The following RFTN1 variants were observed in gnomAD, a reference collection of about 807,000 sequenced individuals.
The protein encoded by RFTN1 is raftlin.
In RFTN1, 26 loss-of-function variants were observed where a neutral mutation model predicts 46.5. That is an observed-to-expected ratio of 0.56 (90% CI 0.41 to 0.78). The LOEUF is 0.78. RFTN1 is among the 30% of genes least tolerant of loss of function. The probability of loss-of-function intolerance (pLI) is 0.00; values close to 1 mark genes in which losing one functional copy is unlikely to be tolerated. For synonymous variants in RFTN1, 261 were observed against 284.2 expected (o/e 0.92, Z 0.82); for missense variants, 693 against 718.7 (o/e 0.96, Z 0.41).
Position 16,509,998 on chromosome 3 carries a change from T to G in RFTN1, c.-9+3444A>C, listed in dbSNP as rs1690901094. On this transcript the variant is annotated intron_variant, in intron 1 of 9. Transcript: ENST00000334133. The surrounding 1 kb of genome is among the most constrained non-coding windows in gnomAD (Gnocchi z 4.9). The stretch of plus-strand genomic sequence containing the variant: ...CTCAGACAGAAAAGTTCACTTCCCG[T>G]TTCCTAGATCAGCCAAGGCAAGCTT... Among the ~76,000 whole-genome samples the G allele has an allele frequency of 6.6e-6, 1 of 152,170 alleles. No individual in the cohort carries two copies. Among genetic ancestry groups the G allele is most frequent in the Middle Eastern group, 3.4e-3 (1 of 294 alleles).
intron 2 of RFTN1, among the ~76,000 whole-genome samples, chr3:16,463,465 C>A (rs887730977): frequency 6.6e-6 from 1 of 152,168 alleles, no homozygotes; most frequent in Non-Finnish European, 1.5e-5. Context: ...TCTGTTAAAA[C>A]CCTATCCATT....
intron 4 of RFTN1, among the ~76,000 whole-genome samples, chr3:16,396,571 A>T (rs1168210649): frequency 1.3e-5 from 2 of 152,152 alleles, no homozygotes; most frequent in African/African-American, 2.4e-5. Context: ...AAAAGAGAGG[A>T]GGGAGTTTTT....
chr3:16,422,344 G>C lies in RFTN1; in HGVS notation c.332+11507C>G, dbSNP rs971781755. ...TATCAAGATCCTAAAAAAGAATAGT[G>C]CCCTGGCCGGGTGTGGTGGCTCACG... On this transcript the variant is annotated intron_variant, in intron 3 of 9. Transcript: ENST00000334133. This position sits in a 1 kb window ranked among gnomAD's most constrained non-coding sequence, Gnocchi z 4.6. 6.6e-6 allele frequency among the ~76,000 whole-genome samples: 1 copy of C among 151,984 alleles called. No individual in the cohort carries two copies. Among genetic ancestry groups the C allele is most frequent in the African/African-American group, 2.4e-5 (1 of 41,412 alleles).
chr3:16,401,012 G>GA (rs1205624288), intron 4 of RFTN1, among the ~76,000 whole-genome samples: 2 of 151,938 alleles, frequency 1.3e-5, no homozygotes, highest in African/African-American at 4.8e-5. Flanking sequence ...CCTTTCAGCT[G>GA]AAAAAAATGT....
chr3:16,326,885 A>G lies in RFTN1; in HGVS notation c.1147-9T>C, dbSNP rs1395418132. 6.2e-7 allele frequency: 1 copy of G among 1,610,436 alleles called. No homozygotes were observed. Among genetic ancestry groups the G allele is most frequent in the Non-Finnish European group, 8.5e-7 (1 of 1,177,978 alleles). On this transcript the variant is annotated splice_polypyrimidine_tract_variant and intron_variant, in intron 7 of 9. Coordinates refer to ENST00000334133, the MANE Select transcript of RFTN1 (RefSeq NM_015150.2). Reference sequence around the variant, plus strand: ...GTCTGCACTTCGACACCCTGGGGGAACAAGGCCAGCATTAGGGCTGCTGCT... The same window carrying G: ...GTCTGCACTTCGACACCCTGGGGGAGCAAGGCCAGCATTAGGGCTGCTGCT...
At chr3:16,318,771 C>A (rs2068715015) in intron 9 of RFTN1, among the ~76,000 whole-genome samples, 1 of 152,306 alleles carries the variant, frequency 6.6e-6, no homozygotes, top group Admixed American at 6.5e-5. Flanking sequence ...AGTTCACTTA[C>A]AATGTTGGAT....
rs1457581103 is a variant in RFTN1 at position 16,498,170 on chromosome 3, G to A, written c.-8-4293C>T. Among the ~76,000 whole-genome samples, 1 of 152,324 alleles carries A rather than the reference G, an allele frequency of 6.6e-6. No individual in the cohort carries two copies. Among genetic ancestry groups the A allele is most frequent in the Admixed American group, 6.5e-5 (1 of 15,306 alleles). On this transcript the variant is annotated intron_variant, in intron 1 of 9. Coordinates refer to ENST00000334133, the MANE Select transcript of RFTN1 (RefSeq NM_015150.2). The surrounding 1 kb of genome is among the most constrained non-coding windows in gnomAD (Gnocchi z 5.2). ...TACATTAAACCAAATTTGGCTTGAC[G>A]ATGCCTCCATACTTGAGTCATTACA...
Position 16,358,067 on chromosome 3 carries a change from C to T in RFTN1, c.1031-20G>A, listed in dbSNP as rs1290039270. 23 of 315,444 alleles carry T rather than the reference C, an allele frequency of 7.3e-5. No individual in the cohort carries two copies. Among genetic ancestry groups the T allele is most frequent in the South Asian group, 1.7e-4 (5 of 30,222 alleles). 19.5% of individuals were successfully genotyped at this position (315,444 alleles called of 1,614,324 possible). A position where few individuals can be genotyped will look rare whatever the true frequency, so the allele number is the denominator to read the frequency against. ...AGGAATCTGTGGAAAAAGAAAAAGG[C>T]GGGGGTGGGGGGGGTCTGTAAACCG... On this transcript the variant is annotated intron_variant, in intron 6 of 9. Coordinates refer to ENST00000334133, the MANE Select transcript of RFTN1 (RefSeq NM_015150.2).
chr3:16,396,543 A>G (rs534036623), intron 4 of RFTN1, among the ~76,000 whole-genome samples: 1 of 152,242 alleles, frequency 6.6e-6, no homozygotes, highest in Non-Finnish European at 1.5e-5. Context: ...AGTGCCGAGC[A>G]CGTCTTTCTA....
At chr3:16,405,726 T>C (rs541229013) in intron 4 of RFTN1, among the ~76,000 whole-genome samples, 2 of 152,212 alleles carry the variant, frequency 1.3e-5, no homozygotes, top group African/African-American at 2.4e-5. Flanking sequence ...TACTGGGGCA[T>C]TGTTCTTATG....
rs1461582192 is a variant in RFTN1 at position 16,448,208 on chromosome 3, A to G, written c.146-14171T>C. On this transcript the variant is annotated intron_variant, in intron 2 of 9. Coordinates refer to ENST00000334133, the MANE Select transcript of RFTN1 (RefSeq NM_015150.2). The surrounding 1 kb of genome is among the most constrained non-coding windows in gnomAD (Gnocchi z 4.1). ...TGTCTAAGATATTGGATTAAATAAA[A>G]TATATCATGAAAATTAACTTGCCTG... Among the ~76,000 whole-genome samples the G allele has an allele frequency of 6.6e-6, 1 of 152,164 alleles. No individual in the cohort carries two copies. The highest frequency in any genetic ancestry group is 1.5e-5 in the Non-Finnish European group (1 of 68,038).
intron 3 of RFTN1, among the ~76,000 whole-genome samples, chr3:16,431,021 C>A (rs1262373488): frequency 1.3e-5 from 2 of 152,188 alleles, no homozygotes; most frequent in Admixed American, 6.5e-5. Flanking sequence ...GCTTCCTCAC[C>A]CATCTTGTCC....
Position 16,484,387 on chromosome 3 carries a change from T to C in RFTN1, c.145+9338A>G, listed in dbSNP as rs887337242. Among the ~76,000 whole-genome samples the C allele has an allele frequency of 6.6e-6, 1 of 152,224 alleles. No individual in the cohort carries two copies. The highest frequency in any genetic ancestry group is 2.4e-5 in the African/African-American group (1 of 41,452). On this transcript the variant is annotated intron_variant, in intron 2 of 9. Transcript: ENST00000334133. This position sits in a 1 kb window ranked among gnomAD's most constrained non-coding sequence, Gnocchi z 4.6. Reference sequence around the variant, plus strand: ...AAGGAATGTCATCCTGTTATTATCATGACCACCCAAAATTTATATACAGAG... The same window carrying C: ...AAGGAATGTCATCCTGTTATTATCACGACCACCCAAAATTTATATACAGAG...
chr3:16,477,261 A>C (rs776714067), intron 2 of RFTN1, among the ~76,000 whole-genome samples: 22 of 152,214 alleles, frequency 1.4e-4, no homozygotes, highest in Non-Finnish European at 2.4e-4. Flanking sequence ...GGGATTTTCC[A>C]CAGTTTCATC....
rs1265479864 is a variant in RFTN1, at chr3:16,376,412, G to C, written c.826+1306C>G. On this transcript the variant is annotated intron_variant, in intron 5 of 9. Transcript: ENST00000334133. The surrounding 1 kb of genome is among the most constrained non-coding windows in gnomAD (Gnocchi z 4.7). ...GGGGCCTCTGCCTGGCCTGACTCTC[G>C]CCCTCCCACAGTCCTGGACCGTACA... 6.6e-6 allele frequency among the ~76,000 whole-genome samples: 1 copy of C among 151,914 alleles called. No homozygotes were observed. Among genetic ancestry groups the C allele is most frequent in the Admixed American group, 6.6e-5 (1 of 15,248 alleles).
chr3:16,419,700 A>G (rs2075150236), intron 3 of RFTN1, among the ~76,000 whole-genome samples: 2 of 152,240 alleles, frequency 1.3e-5, no homozygotes, highest in Admixed American at 1.3e-4. Context: ...ACTTGAGGAA[A>G]AAATAGTCAA....
At chr3:16,369,424 A>G (rs1182580963) in intron 6 of RFTN1, among the ~76,000 whole-genome samples, 1 of 152,228 alleles carries the variant, frequency 6.6e-6, no homozygotes, top group Non-Finnish European at 1.5e-5. Context: ...CAGACTTGAC[A>G]CACCCTGGTG....
In RFTN1 at chr3:16,468,989, C is replaced by T. The variant is rs546720493; in HGVS notation, c.145+24736G>A. On this transcript the variant is annotated intron_variant, in intron 2 of 9. Coordinates refer to ENST00000334133, the MANE Select transcript of RFTN1 (RefSeq NM_015150.2). This position sits in a 1 kb window ranked among gnomAD's most constrained non-coding sequence, Gnocchi z 4.4. ...CTGCCTGAATCGCATCTGACACTGGCCACTAAGGTGGAGTTTCCTTTGGCC... is the reference window on the plus strand; with the variant it reads ...CTGCCTGAATCGCATCTGACACTGGTCACTAAGGTGGAGTTTCCTTTGGCC... 2.6e-5 allele frequency among the ~76,000 whole-genome samples: 4 copies of T among 152,374 alleles called. No homozygotes were observed. The South Asian group carries it at 8.3e-4, about 32-fold the overall frequency.
At position 16,410,721 on chromosome 3, in the gene RFTN1, A is replaced by G. The variant is rs71310344; in HGVS notation, c.333-1238T>C. Among the ~76,000 whole-genome samples the G allele has an allele frequency of 0.21, 31,960 of 152,094 alleles. 3,713 individuals carry two copies. Among genetic ancestry groups the G allele is most frequent in the Admixed American group, 0.27 (4,187 of 15,270 alleles). On this transcript the variant is annotated intron_variant, in intron 3 of 9. Transcript: ENST00000334133. The surrounding 1 kb of genome is among the most constrained non-coding windows in gnomAD (Gnocchi z 4.6). ...GAGAGGCTTCCTAGCGCACCCTGCC[A>G]TCTCTGCACACAGGGGCTGCTTTCC...
Sources: allele counts gnomAD v4.1 joint callset (sites outside exome capture counted in the v4.1 genomes callset), GRCh38; gene constraint gnomAD v4.1.1; non-coding constraint Gnocchi (gnomAD v3.1); transcripts MANE v1.5; gene names NCBI Gene and HGNC (gene_info 2026-07-23, HGNC 2026-07-21).